Variants in SMARCAL1 observed in about 807,000 individuals in gnomAD.
SMARCAL1 encodes the protein ATP-driven annealing helicase.
A neutral mutation model predicts 94.5 loss-of-function variants in SMARCAL1; 58 were observed. The observed-to-expected ratio is 0.61, with a 90% CI of 0.50 to 0.76. SMARCAL1 has a LOEUF of 0.76. Among genes scored for constraint, SMARCAL1 ranks in the 30% least tolerant of loss-of-function variants. SMARCAL1 has a pLI of 0.00. For synonymous variants in SMARCAL1, 422 were observed against 455.1 expected (o/e 0.93, Z 0.93); for missense variants, 1,051 against 1,177.9 (o/e 0.89, Z 1.58).
chr2:216,422,698 C>T (rs1400007613), intron 5 of SMARCAL1, among the ~76,000 whole-genome samples: 1 of 152,240 alleles, frequency 6.6e-6, no homozygotes, highest in Admixed American at 6.5e-5. Context: ...ACTCTGTGTC[C>T]ATGATGCCTT....
chr2:216,420,476 T>C lies in SMARCAL1; in HGVS notation c.1040T>C (p.Ile347Thr), dbSNP rs1376557231. The C allele has an allele frequency of 6.2e-7, 1 of 1,614,072 alleles. No homozygotes were observed. Among genetic ancestry groups the C allele is most frequent in the African/African-American group, 1.3e-5 (1 of 74,920 alleles). ...TCCAGGGCCTACTTCGAGGCAGACA[T>C]CAGTTATTCACAGGACCTTATTGCG... is the stretch of plus-strand genomic sequence containing the variant. Reference protein sequence around the residue: ...LISRAYFEADISYSQDLIALF... With the variant: ...LISRAYFEADTSYSQDLIALF... The change falls in exon 5 of 18, where the codon ATC becomes ACC. Residue 347 changes from isoleucine (I) to threonine (T), a missense_variant. By Grantham distance (89) the Ile-to-Thr change is moderately conservative. This residue lies in a region of SMARCAL1 where 11 missense variants were observed against 28.0 expected (regional missense o/e 0.39). Coordinates refer to ENST00000357276, the MANE Select transcript of SMARCAL1 (RefSeq NM_014140.4).
intron 4 of SMARCAL1, among the ~76,000 whole-genome samples, chr2:216,418,904 G>A (rs1693658097): frequency 6.6e-6 from 1 of 152,126 alleles, no homozygotes; most frequent in Admixed American, 6.5e-5. Flanking sequence ...TCGTGTTGTT[G>A]AACTACTTTT....
At chr2:216,478,849 C>T (rs939392336) in intron 17 of SMARCAL1, among the ~76,000 whole-genome samples, 1 of 129,690 alleles carries the variant, frequency 7.7e-6, no homozygotes, top group Admixed American at 7.4e-5. Flanking sequence ...CCCAGCATTC[C>T]TCCTTTGAGC....
intron 12 of SMARCAL1, among the ~76,000 whole-genome samples, chr2:216,464,175 A>C (rs529077243): frequency 6.6e-6 from 1 of 152,360 alleles, no homozygotes; most frequent in South Asian, 2.1e-4. Context: ...TGGCAGAAGA[A>C]AAGAGGGAAG....
At chr2:216,441,230 G>T (rs770917633) in intron 10 of SMARCAL1, among the ~76,000 whole-genome samples, 9 of 152,134 alleles carry the variant, frequency 5.9e-5, no homozygotes. Flanking sequence ...GAAAAATGTG[G>T]ATTTTGTAAA....
At chr2:216,459,348 T>C (rs1436846514) in intron 12 of SMARCAL1, among the ~76,000 whole-genome samples, 1 of 152,152 alleles carries the variant, frequency 6.6e-6, no homozygotes, top group African/African-American at 2.4e-5. Flanking sequence ...AAAGTTCATA[T>C]GGAACCAAAA....
chr2:216,474,763 GA>G (rs1402108372), intron 14 of SMARCAL1, among the ~76,000 whole-genome samples: 2 of 151,690 alleles, frequency 1.3e-5, no homozygotes, highest in African/African-American at 4.8e-5. Context: ...TCTTAAAAAA[GA>G]AAAAGAAAAA....
chr2:216,426,529 A>G (rs1402702463), intron 6 of SMARCAL1, among the ~76,000 whole-genome samples: 1 of 152,224 alleles, frequency 6.6e-6, no homozygotes, highest in Non-Finnish European at 1.5e-5. Context: ...TTTACCTGCT[A>G]TCTCATCATG....
At chr2:216,425,047 T>C (rs2106025317) in intron 6 of SMARCAL1, among the ~76,000 whole-genome samples, 1 of 152,328 alleles carries the variant, frequency 6.6e-6, no homozygotes, top group Admixed American at 6.5e-5. Context: ...GCCTCCCAAG[T>C]AGCTGTACAC....
chr2:216,461,092 A>ATGTGTG (rs962222971), intron 12 of SMARCAL1, among the ~76,000 whole-genome samples: 1 of 117,120 alleles, frequency 8.5e-6, no homozygotes, highest in South Asian at 3.0e-4. Flanking sequence ...GTGTGTGTGT[A>ATGTGTG]TGTGTGTGTG....
intron 2 of SMARCAL1, chr2:216,414,446 T>C: frequency 2.2e-6 from 1 of 457,536 alleles, no homozygotes; most frequent in East Asian, 4.5e-5. Context: ...CGACCTGCTT[T>C]TTGCTTTTTG....
intron 2 of SMARCAL1, chr2:216,414,357 A>G (rs1357076752): frequency 3.3e-6 from 1 of 306,582 alleles, no homozygotes; most frequent in Non-Finnish European, 6.3e-6. Context: ...GGGTTTCACC[A>G]TGTTGGCCAG....
chr2:216,413,533 C>T (rs947926182), intron 1 of SMARCAL1, among the ~76,000 whole-genome samples: 1 of 152,156 alleles, frequency 6.6e-6, no homozygotes, highest in Non-Finnish European at 1.5e-5. Context: ...GAACTATATA[C>T]TCTAAATTAT....
chr2:216,421,019 C>T (rs1181069153), intron 5 of SMARCAL1, among the ~76,000 whole-genome samples: 2 of 152,142 alleles, frequency 1.3e-5, no homozygotes, highest in Admixed American at 6.5e-5. Context: ...CAAACTTTTG[C>T]GTTTCTCACA....
At chr2:216,467,204 C>T (rs992864958) in intron 13 of SMARCAL1, among the ~76,000 whole-genome samples, 1 of 152,174 alleles carries the variant, frequency 6.6e-6, no homozygotes, top group Non-Finnish European at 1.5e-5. Context: ...GGTGCGGTGG[C>T]TCACGCCTGT....
chr2:216,424,283 T>C (rs965234306), intron 6 of SMARCAL1, among the ~76,000 whole-genome samples: 5 of 152,230 alleles, frequency 3.3e-5, no homozygotes, highest in Admixed American at 2.6e-4. Flanking sequence ...CTTCTCTGTG[T>C]TTTGCTTAGA....
chr2:216,414,710 C>T lies in SMARCAL1; in HGVS notation c.6C>T (p.Ser2=). Residue 2 remains serine (S), a synonymous_variant, in exon 3 of 18, where the codon TCC becomes TCT. Transcript: ENST00000357276. ...ATAAGCATTTCTCTGTGAAAATGTC[C>T]TTGCCTCTTACAGAGGAGCAGAGGA... M[S]LPLTEEQRKK... is the part of the protein sequence containing the mutation. 1 of 1,613,438 alleles carries T rather than the reference C, an allele frequency of 6.2e-7. No individual in the cohort carries two copies. The highest frequency in any genetic ancestry group is 8.5e-7 in the Non-Finnish European group (1 of 1,179,390).
At chr2:216,451,199 C>T in intron 12 of SMARCAL1, 135 bp downstream of exon 12, 1 of 760,826 alleles carries the variant, frequency 1.3e-6, no homozygotes, top group Non-Finnish European at 2.3e-6. Flanking sequence ...TAGGCAAGAA[C>T]AGCAAGTCCA....
chr2:216,420,044 A>G (rs951459455), intron 4 of SMARCAL1, among the ~76,000 whole-genome samples: 17 of 148,710 alleles, frequency 1.1e-4, no homozygotes, highest in South Asian at 2.1e-4. Flanking sequence ...AAAAAAAAAA[A>G]AAAGAAAAAA....
Sources: gnomAD v4.1 joint callset for allele counts (sites outside exome capture counted in the v4.1 genomes callset) on GRCh38, gnomAD v4.1.1 for gene constraint, gnomAD v4.1.1 regional missense constraint, MANE v1.5 for transcripts, NCBI Gene and HGNC (gene_info 2026-07-23, HGNC 2026-07-21) for gene names.